ATXN2: variants seen among roughly 807,000 people sequenced by gnomAD.
The protein encoded by ATXN2 is ataxin 2.
ATXN2 carries 37 observed loss-of-function variants against 138.6 expected under a neutral mutation model. That is an observed-to-expected ratio of 0.27 (90% confidence interval 0.21 to 0.35). The LOEUF is 0.35. ATXN2 is among the 10% of genes least tolerant of loss of function. The probability of loss-of-function intolerance (pLI) is 1.00; values close to 1 mark genes in which losing one functional copy is unlikely to be tolerated. For missense variants in ATXN2, 1,216 were observed against 1,480.3 expected (o/e 0.82, Z 2.93); for synonymous variants, 549 against 543.7 (o/e 1.01, Z -0.13).
intron 21 of ATXN2, among the ~76,000 whole-genome samples, chr12:111,461,744 A>C (rs1055065560): frequency 6.6e-6 from 1 of 151,666 alleles, no homozygotes; most frequent in Admixed American, 6.6e-5. Context: ...AGATGGTGAA[A>C]CCCTGTCTCT....
intron 21 of ATXN2, among the ~76,000 whole-genome samples, chr12:111,463,024 C>G (rs76709544): frequency 0.1 from 15,387 of 151,164 alleles, 2,621 homozygotes; most frequent in African/African-American, 0.35. Context: ...ATGTATGTAT[C>G]AGCTTATTTT....
chr12:111,509,033 C>T (rs11065934), intron 14 of ATXN2, among the ~76,000 whole-genome samples: 15,491 of 152,086 alleles, frequency 0.1, 2,653 homozygotes, highest in African/African-American at 0.35. Flanking sequence ...AAATCTACCT[C>T]GATACCTATA....
chr12:111,489,516 G>A lies in ATXN2; in HGVS notation c.1936-736C>T, dbSNP rs545455599. 1.6e-3 allele frequency among the ~76,000 whole-genome samples: 239 copies of A among 152,200 alleles called. 1 individual carries two copies. Among genetic ancestry groups the A allele is most frequent in the African/African-American group, 5.2e-3 (215 of 41,532 alleles). On this transcript the variant is annotated intron_variant, in intron 14 of 24. Coordinates refer to ENST00000673436, the MANE Select transcript of ATXN2 (RefSeq NM_001372574.1). ...TAGTCCCTGCTACTCGGGAGGCTGA[G>A]GTAGGAGAATGGTGTGAACCTGGGA...
intron 5 of ATXN2, among the ~76,000 whole-genome samples, chr12:111,543,973 G>C (rs2135774547): frequency 6.6e-6 from 1 of 152,224 alleles, no homozygotes; most frequent in African/African-American, 2.4e-5. Context: ...AGCTACTTGG[G>C]AGGCTGAGGT....
chr12:111,569,931 A>T (rs1883218667), intron 1 of ATXN2, among the ~76,000 whole-genome samples: 1 of 152,218 alleles, frequency 6.6e-6, no homozygotes, highest in African/African-American at 2.4e-5. Context: ...TTGTACAATG[A>T]TGAAGATGTC....
chr12:111,558,727 G>A lies in ATXN2; in HGVS notation c.252-2808C>T, dbSNP rs114311995. ...TGGGAGGATCACTTGAGCCCAGGAG[G>A]TCAAGACAGCAGTGAGCTGTGATTA... is the stretch of plus-strand genomic sequence containing the variant. On this transcript the variant is annotated intron_variant, in intron 1 of 24. Coordinates refer to ENST00000673436, the MANE Select transcript of ATXN2 (RefSeq NM_001372574.1). Among the ~76,000 whole-genome samples, 1,169 of 152,200 alleles carry A rather than the reference G, an allele frequency of 7.7e-3. 15 individuals are homozygous for A. Among genetic ancestry groups the A allele is most frequent in the African/African-American group, 0.027 (1,101 of 41,522 alleles).
At chr12:111,478,486 A>G (rs1876985178) in intron 18 of ATXN2, among the ~76,000 whole-genome samples, 1 of 152,182 alleles carries the variant, frequency 6.6e-6, no homozygotes, top group Non-Finnish European at 1.5e-5. Context: ...ACAAACACAC[A>G]CATGATGAGG....
At chr12:111,467,654 T>C (rs1192014631) in intron 20 of ATXN2, among the ~76,000 whole-genome samples, 6 of 152,210 alleles carry the variant, frequency 3.9e-5, no homozygotes, top group Admixed American at 2.6e-4. Context: ...CTCTAATGAC[T>C]AGTTCATTCC....
rs574498055 is a variant in ATXN2, at chr12:111,562,459, G to A, written c.252-6540C>T. Among the ~76,000 whole-genome samples, 6 of 151,940 alleles carry A rather than the reference G, an allele frequency of 3.9e-5. No homozygotes were observed. The East Asian group carries it at 5.8e-4, about 15-fold the overall frequency. ...AAGAAGGCCTGGTGTGGCAGCTCACGCCTGTAATCCTAGCACTCTGGGAGG... is the reference window on the plus strand; with the variant it reads ...AAGAAGGCCTGGTGTGGCAGCTCACACCTGTAATCCTAGCACTCTGGGAGG... On this transcript the variant is annotated intron_variant, in intron 1 of 24. Transcript: ENST00000673436.
chr12:111,489,646 G>A (rs1356497646), intron 14 of ATXN2, among the ~76,000 whole-genome samples: 1 of 150,818 alleles, frequency 6.6e-6, no homozygotes, highest in African/African-American at 2.4e-5. Flanking sequence ...AATGAGCTGG[G>A]CACAGTAGCT....
chr12:111,555,992 A>G, intron 1 of ATXN2, 73 bp from the exon 2 acceptor site: 2 of 1,194,928 alleles, frequency 1.7e-6, no homozygotes, highest in South Asian at 2.8e-5. Context: ...CAAACTTAAA[A>G]TATAATTCCA....
Position 111,598,755 on chromosome 12 carries a change from G to A in ATXN2, c.251+29C>T. On this transcript the variant is annotated intron_variant, in intron 1 of 24. Transcript: ENST00000673436. The surrounding 1 kb of genome is among the most constrained non-coding windows in gnomAD (Gnocchi z 4.5). The stretch of plus-strand genomic sequence containing the variant: ...CGGGGGAGGGGACGCCGGGCCCGGA[G>A]CGGAGGGGGCTGGGGTGCCGACACC... 1 of 1,190,824 alleles carries A rather than the reference G, an allele frequency of 8.4e-7. No individual in the cohort carries two copies. The highest frequency in any genetic ancestry group is 1.0e-6 in the Non-Finnish European group (1 of 961,842). The allele number at this position is 1,190,824 out of a possible 1,614,324, so 73.8% of individuals were successfully genotyped here.
chr12:111,461,796 G>A (rs553819143), intron 21 of ATXN2, among the ~76,000 whole-genome samples: 46 of 151,990 alleles, frequency 3.0e-4, no homozygotes, highest in Non-Finnish European at 5.1e-4. Flanking sequence ...GGCAGCAGGC[G>A]CCTGTAATCC....
At chr12:111,563,560 TTTTA>T (rs2135801688) in intron 1 of ATXN2, among the ~76,000 whole-genome samples, 1 of 152,252 alleles carries the variant, frequency 6.6e-6, no homozygotes, top group African/African-American at 2.4e-5. Context: ...TAATAAGAAT[TTTTA>T]TTTTATATTA....
chr12:111,463,326 T>C (rs181948858), intron 21 of ATXN2, among the ~76,000 whole-genome samples: 8 of 152,250 alleles, frequency 5.3e-5, no homozygotes, highest in Admixed American at 4.6e-4. Context: ...ACAGAGTCTC[T>C]CTCTGTTGCC....
At chr12:111,543,013 A>C (rs1052423147) in intron 5 of ATXN2, among the ~76,000 whole-genome samples, 1 of 152,240 alleles carries the variant, frequency 6.6e-6, no homozygotes, top group African/African-American at 2.4e-5. Context: ...ATATCTTAAT[A>C]AACATGTAAT....
chr12:111,597,748 C>T, intron 1 of ATXN2: 1 of 811,882 alleles, frequency 1.2e-6, no homozygotes, highest in African/African-American at 1.8e-5. Context: ...TAAACACCCG[C>T]CTTTCTGCCT....
intron 18 of ATXN2, among the ~76,000 whole-genome samples, chr12:111,478,137 T>C (rs1876953838): frequency 6.6e-6 from 1 of 151,396 alleles, no homozygotes; most frequent in Admixed American, 6.6e-5. Context: ...ACAGGCGCAG[T>C]GGCTCACACC....
intron 1 of ATXN2, among the ~76,000 whole-genome samples, chr12:111,588,400 A>G (rs920784901): frequency 1.3e-5 from 2 of 152,092 alleles, no homozygotes; most frequent in African/African-American, 4.8e-5. Flanking sequence ...AGGCAGGTGG[A>G]TCACTTGAGG....
Sources: gnomAD v4.1 joint callset for allele counts (sites outside exome capture counted in the v4.1 genomes callset) on GRCh38, gnomAD v4.1.1 for gene constraint, Gnocchi (gnomAD v3.1) non-coding constraint, MANE v1.5 for transcripts, NCBI Gene and HGNC (gene_info 2026-07-23, HGNC 2026-07-21) for gene names.